The following ADAM12 variants were observed in gnomAD, a reference collection of about 807,000 sequenced individuals.
ADAM12 encodes the protein ADAM metallopeptidase domain 12.
ADAM12 carries 70 observed loss-of-function variants against 106.4 expected under a neutral mutation model. That is an observed-to-expected ratio of 0.66 (90% confidence interval 0.54 to 0.80). ADAM12 has a LOEUF of 0.80. Among genes scored for constraint, ADAM12 ranks in the 30% least tolerant of loss-of-function variants. The probability of loss-of-function intolerance (pLI) is 0.00; values close to 1 mark genes in which losing one functional copy is unlikely to be tolerated. For synonymous variants in ADAM12, 420 were observed against 433.5 expected, an observed-to-expected ratio of 0.97 and a Z score of 0.39; for missense variants, 1,010 against 1,171.9, an observed-to-expected ratio of 0.86 and a Z score of 2.02.
intron 1 of ADAM12, among the ~76,000 whole-genome samples, chr10:126,362,277 C>T (rs1416045098): frequency 6.6e-6 from 1 of 151,982 alleles, no homozygotes; most frequent in Non-Finnish European, 1.5e-5. Context: ...ATCAAAAAGA[C>T]AAAAGATAAC....
Position 126,098,482 on chromosome 10 carries a change from C to T in ADAM12, c.930G>A (p.Gly310=), listed in dbSNP as rs1955598752. ...AQLVSGVYFQ[G]TTIGMAPIMS... ...TGATTGGGGCCATGCCGATGGTGGT[C>T]CCTTGGAAATAAACCCCACTAGGAA... The change falls in exon 10 of 23, where the codon GGG becomes GGA. Residue 310 remains glycine, a synonymous_variant. Coordinates refer to ENST00000448723, the MANE Select transcript of ADAM12 (RefSeq NM_001288973.2). 1 of 1,613,912 alleles carries T rather than the reference C, an allele frequency of 6.2e-7. No individual in the cohort carries two copies. The highest frequency in any genetic ancestry group is 2.2e-5 in the East Asian group (1 of 44,860).
At chr10:126,196,657 T>A (rs1057309094) in intron 3 of ADAM12, among the ~76,000 whole-genome samples, 1 of 152,140 alleles carries the variant, frequency 6.6e-6, no homozygotes, top group East Asian at 1.9e-4. Flanking sequence ...AAATAACTCA[T>A]CCACTCAAAT....
chr10:126,381,352 A>T (rs2133935974), intron 1 of ADAM12, among the ~76,000 whole-genome samples: 1 of 152,216 alleles, frequency 6.6e-6, no homozygotes, highest in Non-Finnish European at 1.5e-5. Flanking sequence ...AATAACAATA[A>T]TAGGCTGCGT....
Position 126,278,925 on chromosome 10 carries a change from C to T in ADAM12, c.250G>A (p.Glu84Lys). Reference protein sequence around the residue: ...RESKELIINLERNEGLIASSF... With the variant: ...RESKELIINLKRNEGLIASSF... ...CAAGAATTAACTTACTCATTTCTTT[C>T]CAGATTTATGATCAGTTCTTTGCTT... The change falls in exon 3 of 23, where the codon GAA becomes AAA. Residue 84 changes from glutamate (E) to lysine (K), a missense_variant. Physicochemically the swap from Glu to Lys is moderately conservative, Grantham distance 56. Transcript: ENST00000448723. 6.2e-7 allele frequency: 1 copy of T among 1,609,460 alleles called. No homozygotes were observed. Among genetic ancestry groups the T allele is most frequent in the Non-Finnish European group, 8.5e-7 (1 of 1,176,474 alleles).
chr10:126,199,292 C>T (rs1041439624), intron 3 of ADAM12, among the ~76,000 whole-genome samples: 2 of 152,182 alleles, frequency 1.3e-5, no homozygotes, highest in African/African-American at 4.8e-5. Flanking sequence ...AAAACTTATC[C>T]ACCTAATCAC....
chr10:126,186,037 C>T (rs1209222672), intron 3 of ADAM12, among the ~76,000 whole-genome samples: 3 of 152,208 alleles, frequency 2.0e-5, no homozygotes, highest in Non-Finnish European at 4.4e-5. Flanking sequence ...ACCACTCAGG[C>T]CAATGAGAGC....
chr10:126,023,290 T>C (rs929015567), intron 21 of ADAM12, among the ~76,000 whole-genome samples: 4 of 152,154 alleles, frequency 2.6e-5, no homozygotes, highest in African/African-American at 7.2e-5. Flanking sequence ...AGGCGGGTCT[T>C]CCATTTCCAG....
intron 3 of ADAM12, among the ~76,000 whole-genome samples, chr10:126,234,156 C>G (rs564802154): frequency 6.6e-6 from 1 of 151,970 alleles, no homozygotes; most frequent in Admixed American, 6.5e-5. Context: ...GGGAGGAGTT[C>G]GAGCATGTCA....
chr10:126,229,026 C>A (rs999399449), intron 3 of ADAM12, among the ~76,000 whole-genome samples: 1 of 152,094 alleles, frequency 6.6e-6, no homozygotes, highest in Non-Finnish European at 1.5e-5. Flanking sequence ...CCCCTGTTTA[C>A]CAGGAAAAGA....
chr10:126,331,599 C>T (rs2133853070), intron 1 of ADAM12, among the ~76,000 whole-genome samples: 1 of 152,314 alleles, frequency 6.6e-6, no homozygotes, highest in Non-Finnish European at 1.5e-5. Flanking sequence ...AATTCTCAAG[C>T]TGGTCACAGA....
intron 3 of ADAM12, among the ~76,000 whole-genome samples, chr10:126,230,357 G>T (rs1958286519): frequency 6.6e-6 from 1 of 152,104 alleles, no homozygotes; most frequent in African/African-American, 2.4e-5. Flanking sequence ...TGACCACACT[G>T]CAATGAATAT....
intron 3 of ADAM12, among the ~76,000 whole-genome samples, chr10:126,214,016 G>A (rs949453042): frequency 3.9e-5 from 6 of 152,152 alleles, no homozygotes; most frequent in African/African-American, 1.4e-4. Flanking sequence ...ATTTTATAAC[G>A]TGACCCAATA....
intron 2 of ADAM12, among the ~76,000 whole-genome samples, chr10:126,303,576 T>A (rs571666475): frequency 3.3e-5 from 5 of 152,264 alleles, no homozygotes; most frequent in African/African-American, 1.2e-4. Flanking sequence ...ATTTTTGAAG[T>A]GAGATATGCT....
intron 3 of ADAM12, among the ~76,000 whole-genome samples, chr10:126,159,126 G>A (rs191285710): frequency 6.6e-5 from 10 of 151,990 alleles, no homozygotes; most frequent in South Asian, 6.2e-4. Context: ...TGGCTAATAC[G>A]GTGAAACCCC....
At chr10:126,071,446 C>G (rs1954988160) in intron 12 of ADAM12, 31 bp downstream of exon 12, 36 of 1,610,506 alleles carry the variant, frequency 2.2e-5, no homozygotes, top group Non-Finnish European at 3.1e-5. Flanking sequence ...TACAAGTCTT[C>G]TTGTATCCTT....
chr10:126,215,304 C>T (rs899731567), intron 3 of ADAM12, among the ~76,000 whole-genome samples: 2 of 152,298 alleles, frequency 1.3e-5, no homozygotes, highest in Admixed American at 6.5e-5. Flanking sequence ...GGTACATCCT[C>T]GGCACAGGGA....
rs111990051 is a variant in ADAM12, at chr10:126,184,757, C to T, written c.261-29452G>A. 8.4e-3 allele frequency among the ~76,000 whole-genome samples: 1,273 copies of T among 152,312 alleles called. 21 individuals carry two copies. Among genetic ancestry groups the T allele is most frequent in the African/African-American group, 0.028 (1,165 of 41,550 alleles). On this transcript the variant is annotated intron_variant, in intron 3 of 22. Coordinates refer to ENST00000448723, the MANE Select transcript of ADAM12 (RefSeq NM_001288973.2). ...GTTGCAGGAAAAATGAACCCCAGCACACAGCAGCAGAACATACACAAGATC... is the reference window on the plus strand; with the variant it reads ...GTTGCAGGAAAAATGAACCCCAGCATACAGCAGCAGAACATACACAAGATC...
chr10:126,276,113 T>C (rs982347635), intron 3 of ADAM12, among the ~76,000 whole-genome samples: 10 of 152,218 alleles, frequency 6.6e-5, no homozygotes, highest in Admixed American at 1.3e-4. Context: ...GATTATTGAA[T>C]CAGTCTCCTA....
At chr10:126,387,961 C>T (rs1432173873) in intron 1 of ADAM12, 97 bp downstream of exon 1, 7 of 1,166,588 alleles carry the variant, frequency 6.0e-6, no homozygotes, top group Non-Finnish European at 7.4e-6. Flanking sequence ...CGGGGCGCGT[C>T]GCCCCTCGGG....
Sources: allele counts gnomAD v4.1 joint callset (sites outside exome capture counted in the v4.1 genomes callset), GRCh38; gene constraint gnomAD v4.1.1; transcripts MANE v1.5; gene names NCBI Gene and HGNC (gene_info 2026-07-23, HGNC 2026-07-21).